Variants in TECRL observed in about 807,000 individuals in gnomAD.
The protein encoded by TECRL is trans-2,3-enoyl-CoA reductase-like.
A neutral mutation model predicts 52.8 loss-of-function variants in TECRL; 63 were observed. The ratio of observed to expected loss-of-function variants is 1.19; its 90% CI spans 0.97 to 1.47. The LOEUF (loss-of-function observed/expected upper bound fraction) is 1.47, where lower values mean the gene tolerates loss of function less well. TECRL is among the 40% of genes most tolerant of loss of function. The pLI is 0.00. For missense variants in TECRL, 482 were observed against 429.6 expected (o/e 1.12, Z -1.08); for synonymous variants, 164 against 141.9 (o/e 1.16, Z -1.10).
intron 2 of TECRL, among the ~76,000 whole-genome samples, chr4:64,336,115 G>T (rs187126517): frequency 1.3e-5 from 2 of 152,284 alleles, no homozygotes; most frequent in African/African-American, 4.8e-5. Context: ...ACCTCTGGTA[G>T]AATTCAGCTG....
chr4:64,372,733 A>AATG (rs759236452), intron 2 of TECRL, among the ~76,000 whole-genome samples: 1 of 151,726 alleles, frequency 6.6e-6, no homozygotes, highest in Non-Finnish European at 1.5e-5. Flanking sequence ...TTCAGGAAAT[A>AATG]ATGTCTTCTG....
At chr4:64,354,063 G>A (rs546582381) in intron 2 of TECRL, among the ~76,000 whole-genome samples, 7 of 152,188 alleles carry the variant, frequency 4.6e-5, no homozygotes, top group African/African-American at 1.7e-4. Flanking sequence ...GCTCAAATAC[G>A]GATTTATACT....
At position 64,300,296 on chromosome 4, in the gene TECRL, C is replaced by G. The variant is rs540628261; in HGVS notation, c.731-279G>C. On this transcript the variant is annotated intron_variant, in intron 7 of 11. Transcript: ENST00000381210. The stretch of plus-strand genomic sequence containing the variant: ...CTTGAAGGCAGATTTAGAATTTGTC[C>G]CATTTTAAAAGCACACTTAAGTATG... Among the ~76,000 whole-genome samples, 16 of 149,990 alleles carry G rather than the reference C, an allele frequency of 1.1e-4. No individual in the cohort carries two copies. In the South Asian group the frequency reaches 2.9e-3, roughly 28 times the overall value.
chr4:64,328,950 A>T (rs1318976756), intron 2 of TECRL, among the ~76,000 whole-genome samples: 1 of 151,966 alleles, frequency 6.6e-6, no homozygotes, highest in African/African-American at 2.4e-5. Context: ...AATTCATCTA[A>T]TATTTGCACC....
rs761398203 is a variant in TECRL, at chr4:64,322,774, T to A, written c.350A>T (p.Asp117Val). ...QLECGGPFLK[D>V]YITIQSIAAS... is the part of the protein sequence containing the mutation. ...TGCAATACTTTGAATGGTAATGTAG[T>A]CCTTCAAAAAAGGCCCGCCTAAAAT... Residue 117 changes from aspartate to valine, a missense_variant, in exon 4 of 12, where the codon GAC becomes GTC. By Grantham distance (152) the Asp-to-Val change is radical (BLOSUM62 -3). Coordinates refer to ENST00000381210, the MANE Select transcript of TECRL (RefSeq NM_001010874.5). 1 of 1,605,272 alleles carries A rather than the reference T, an allele frequency of 6.2e-7. No homozygotes were observed. Among genetic ancestry groups the A allele is most frequent in the Admixed American group, 1.7e-5 (1 of 59,288 alleles).
At chr4:64,335,329 T>C (rs1365652625) in intron 2 of TECRL, among the ~76,000 whole-genome samples, 1 of 152,162 alleles carries the variant, frequency 6.6e-6, no homozygotes, top group African/African-American at 2.4e-5. Context: ...GGAATCTAGG[T>C]TGCATGCTCC....
At chr4:64,361,534 C>T (rs1240833498) in intron 2 of TECRL, among the ~76,000 whole-genome samples, 1 of 152,120 alleles carries the variant, frequency 6.6e-6, no homozygotes, top group Non-Finnish European at 1.5e-5. Flanking sequence ...CTTGAGAGGT[C>T]AAAGAACAAA....
intron 1 of TECRL, among the ~76,000 whole-genome samples, chr4:64,386,483 G>A (rs1384802065): frequency 6.6e-6 from 1 of 151,970 alleles, no homozygotes; most frequent in African/African-American, 2.4e-5. Flanking sequence ...CAAACCAATG[G>A]TGTTCATGAG....
In TECRL at chr4:64,374,010, AGTATATAGTAGATACATATATATATAT is replaced by A. The variant is rs1290651875; in HGVS notation, c.286+1135_286+1161del. Among the ~76,000 whole-genome samples, 179 of 101,230 alleles carry A rather than the reference AGTATATAGTAGATACATATATATATAT, an allele frequency of 1.8e-3. 1 individual carries two copies. The highest frequency in any genetic ancestry group is 6.8e-3 in the African/African-American group (176 of 26,010). The allele number at this position is 101,230 out of a possible 152,430, so 66.4% of individuals were successfully genotyped here. Reference sequence around the variant, plus strand: ...ATATATATCTACTATACTATAGTATAGTATATAGTAGATACATATATATATATGTATATAGTAGATACATATATATAT... The same window carrying A: ...ATATATATCTACTATACTATAGTATAGTATATAGTAGATACATATATATAT... On this transcript the variant is annotated intron_variant, in intron 2 of 11. Coordinates refer to ENST00000381210, the MANE Select transcript of TECRL (RefSeq NM_001010874.5).
rs532811676 is a variant in TECRL, at chr4:64,316,901, ATTGT to A, written c.436-2142_436-2139del. ...ATCTTCTGTTTTGAATACAAAATTC[ATTGT>A]TTGTACTAGGCAAGCAAGGAAATTG... On this transcript the variant is annotated intron_variant, in intron 4 of 11. Transcript: ENST00000381210. Among the ~76,000 whole-genome samples the A allele has an allele frequency of 6.6e-3, 1,008 of 152,320 alleles. 8 individuals are homozygous for A. The highest frequency in any genetic ancestry group is 0.023 in the African/African-American group (956 of 41,576).
At chr4:64,394,410 A>G (rs1723778609) in intron 1 of TECRL, among the ~76,000 whole-genome samples, 1 of 152,192 alleles carries the variant, frequency 6.6e-6, no homozygotes, top group South Asian at 2.1e-4. Flanking sequence ...CGATAATTGT[A>G]GTGGACATGC....
At chr4:64,385,266 T>C (rs1723096047) in intron 1 of TECRL, among the ~76,000 whole-genome samples, 1 of 152,074 alleles carries the variant, frequency 6.6e-6, no homozygotes, top group African/African-American at 2.4e-5. Context: ...TGTGGAGTAG[T>C]ATTGTTGTGT....
intron 2 of TECRL, among the ~76,000 whole-genome samples, chr4:64,349,014 T>C (rs1332749771): frequency 1.4e-5 from 2 of 145,306 alleles, no homozygotes; most frequent in Non-Finnish European, 3.0e-5. Flanking sequence ...ATTTCAAAAC[T>C]CCATCTTGTG....
At chr4:64,349,380 C>G (rs778002361) in intron 2 of TECRL, among the ~76,000 whole-genome samples, 5 of 151,994 alleles carry the variant, frequency 3.3e-5, no homozygotes, top group African/African-American at 1.2e-4. Context: ...ATCTACCCAC[C>G]GCGGCCTCCC....
intron 1 of TECRL, among the ~76,000 whole-genome samples, chr4:64,403,279 C>T (rs897251960): frequency 1.3e-5 from 2 of 151,778 alleles, no homozygotes; most frequent in Admixed American, 6.6e-5. Flanking sequence ...CATATTTAAC[C>T]ATGACCACTC....
At chr4:64,297,287 G>T (rs1723742873) in intron 8 of TECRL, among the ~76,000 whole-genome samples, 1 of 151,210 alleles carries the variant, frequency 6.6e-6, no homozygotes, top group Non-Finnish European at 1.5e-5. Context: ...ATTCAACATG[G>T]TTCTTCTATT....
intron 2 of TECRL, among the ~76,000 whole-genome samples, chr4:64,338,109 G>A (rs1226676715): frequency 6.6e-6 from 1 of 152,044 alleles, no homozygotes; most frequent in African/African-American, 2.4e-5. Flanking sequence ...ACAGAACAGA[G>A]CCCTCAGAAA....
intron 2 of TECRL, among the ~76,000 whole-genome samples, chr4:64,364,573 T>C (rs371724387): frequency 1.5e-4 from 22 of 151,588 alleles, no homozygotes; most frequent in African/African-American, 5.3e-4. Flanking sequence ...ATGATATAGA[T>C]AACATTACCC....
rs1246185623 is a variant in TECRL, at chr4:64,409,434, G to C, written c.-83C>G. Reference sequence around the variant, plus strand: ...CTTTTGCATCAGTTAAATACTGCTGGAGAACCTTTGAAAGGTCAAATGGTA... The same window carrying C: ...CTTTTGCATCAGTTAAATACTGCTGCAGAACCTTTGAAAGGTCAAATGGTA... On this transcript the variant is annotated 5_prime_UTR_variant, in exon 1 of 12. Transcript: ENST00000381210. 2 of 1,534,938 alleles carry C rather than the reference G, an allele frequency of 1.3e-6. No individual in the cohort carries two copies. Among genetic ancestry groups the C allele is most frequent in the Non-Finnish European group, 1.7e-6 (2 of 1,145,126 alleles).
Sources: allele counts gnomAD v4.1 joint callset (sites outside exome capture counted in the v4.1 genomes callset), GRCh38; gene constraint gnomAD v4.1.1; transcripts MANE v1.5; gene names NCBI Gene and HGNC (gene_info 2026-07-23, HGNC 2026-07-21).